CHN2: variants seen among roughly 807,000 people sequenced by gnomAD.
The protein encoded by CHN2 is beta-chimaerin.
A neutral mutation model predicts 56.3 loss-of-function variants in CHN2; 35 were observed. That is an observed-to-expected ratio of 0.62 (90% CI 0.47 to 0.82). The LOEUF is 0.82. Among genes scored for constraint, CHN2 ranks in the 40% least tolerant of loss-of-function variants. The pLI is 0.00. For missense variants in CHN2, 491 were observed against 580.5 expected (o/e 0.85, Z 1.58); for synonymous variants, 210 against 212.8 (o/e 0.99, Z 0.12).
In CHN2 at chr7:29,324,003, CA is replaced by C. The variant is rs575696737; in HGVS notation, c.50-30615del. Among the ~76,000 whole-genome samples the C allele has an allele frequency of 8.7e-3, 1,217 of 139,528 alleles. 7 individuals carry two copies. The highest frequency in any genetic ancestry group is 0.014 in the Non-Finnish European group (919 of 65,276). The allele number at this position is 139,528 out of a possible 152,430, so 91.5% of individuals were successfully genotyped here. On this transcript the variant is annotated intron_variant, in intron 1 of 12. Coordinates refer to ENST00000222792, the MANE Select transcript of CHN2 (RefSeq NM_004067.4). Reference sequence around the variant, plus strand: ...TGGGCGACAGAGCGAGACCCCGTCTCAAAAAAACAAAACAAAACCAAAAAAA... The same window carrying C: ...TGGGCGACAGAGCGAGACCCCGTCTCAAAAAACAAAACAAAACCAAAAAAA...
chr7:29,442,943 T>G (rs973673609), intron 6 of CHN2, among the ~76,000 whole-genome samples: 1 of 126,146 alleles, frequency 7.9e-6, no homozygotes, highest in Admixed American at 7.7e-5. Flanking sequence ...TCTTTTTTTT[T>G]TTTTTTTTGA....
At chr7:29,149,064 G>T (rs909471672) in intron 2 of CHN2, among the ~76,000 whole-genome samples, 40 of 152,260 alleles carry the variant, frequency 2.6e-4, no homozygotes, top group African/African-American at 9.1e-4. Flanking sequence ...CGTGTTCAGG[G>T]TGGGTCGGGG....
At chr7:29,419,778 C>G (rs572282349) in intron 6 of CHN2, among the ~76,000 whole-genome samples, 2 of 152,182 alleles carry the variant, frequency 1.3e-5, no homozygotes, top group South Asian at 2.1e-4. Flanking sequence ...AAATGAAAAC[C>G]ACAAGGAAAT....
At chr7:29,354,813 C>T in intron 2 of CHN2, 150 bp downstream of exon 2, 1 of 687,760 alleles carries the variant, frequency 1.5e-6, no homozygotes, top group Non-Finnish European at 2.5e-6. Flanking sequence ...AAAGATTAGT[C>T]AGAGACGATT....
At chr7:29,155,680 G>C (rs1794263682) in intron 2 of CHN2, among the ~76,000 whole-genome samples, 1 of 152,166 alleles carries the variant, frequency 6.6e-6, no homozygotes, top group Admixed American at 6.5e-5. Flanking sequence ...TCATCGTCCT[G>C]CTTCCGTGTT....
chr7:29,293,711 C>T (rs1049746666), intron 1 of CHN2, among the ~76,000 whole-genome samples: 1 of 152,146 alleles, frequency 6.6e-6, no homozygotes, highest in Non-Finnish European at 1.5e-5. Context: ...CATTCAAGCA[C>T]GTACTTGAAA....
chr7:29,445,429 A>G (rs1783964558), intron 6 of CHN2, among the ~76,000 whole-genome samples: 1 of 152,120 alleles, frequency 6.6e-6, no homozygotes, highest in African/African-American at 2.4e-5. Context: ...TAGATTTTTT[A>G]TTACCATGAT....
rs1015445783 is a variant in CHN2, at chr7:29,390,076, A to G, written c.145-3603A>G. ...CTCAAAAAAAAAAAAAAAAAGAATCAGCCACCATTCTGCATGGTCACACCA... is the reference window on the plus strand; with the variant it reads ...CTCAAAAAAAAAAAAAAAAAGAATCGGCCACCATTCTGCATGGTCACACCA... On this transcript the variant is annotated intron_variant, in intron 3 of 12. Transcript: ENST00000222792. Among the ~76,000 whole-genome samples the G allele has an allele frequency of 4.8e-5, 7 of 146,288 alleles. 1 individual carries two copies. The Admixed American group carries it at 4.8e-4, about 10-fold the overall frequency.
intron 6 of CHN2, among the ~76,000 whole-genome samples, chr7:29,461,704 G>T (rs1785171529): frequency 6.6e-6 from 1 of 152,108 alleles, no homozygotes; most frequent in Non-Finnish European, 1.5e-5. Context: ...CAGAGGTTAG[G>T]TATTATTTCA....
chr7:29,157,459 TAA>T (rs1794558117), intron 2 of CHN2, among the ~76,000 whole-genome samples: 2 of 152,220 alleles, frequency 1.3e-5, no homozygotes, highest in Admixed American at 6.5e-5. Context: ...CTGGAAACTT[TAA>T]AGTTAGCTTC....
intron 1 of CHN2, among the ~76,000 whole-genome samples, chr7:29,226,598 G>A (rs1176589836): frequency 2.6e-5 from 4 of 152,100 alleles, no homozygotes; most frequent in African/African-American, 4.8e-5. Flanking sequence ...ATATAGCAAC[G>A]TAGGGAGTGG....
chr7:29,382,292 A>G (rs1800574142), intron 3 of CHN2, among the ~76,000 whole-genome samples: 1 of 152,154 alleles, frequency 6.6e-6, no homozygotes, highest in Admixed American at 6.5e-5. Flanking sequence ...TCACATGTTC[A>G]CCCTCTAAAG....
intron 2 of CHN2, among the ~76,000 whole-genome samples, chr7:29,357,218 A>C (rs1291079251): frequency 1.3e-5 from 2 of 152,190 alleles, no homozygotes; most frequent in East Asian, 3.8e-4. Context: ...ATAATCATAA[A>C]ACTTTACTTG....
At chr7:29,435,417 A>T (rs1202276332) in intron 6 of CHN2, among the ~76,000 whole-genome samples, 4 of 152,336 alleles carry the variant, frequency 2.6e-5, no homozygotes, top group African/African-American at 9.6e-5. Flanking sequence ...GTGTGTCATT[A>T]GGTGATTTTG....
chr7:29,478,892 G>T (rs956233277), intron 6 of CHN2, among the ~76,000 whole-genome samples: 1 of 152,100 alleles, frequency 6.6e-6, no homozygotes, highest in Non-Finnish European at 1.5e-5. Context: ...TTAAAATCAT[G>T]GTGTTTACCA....
At chr7:29,275,069 C>T (rs1156578350) in intron 1 of CHN2, among the ~76,000 whole-genome samples, 1 of 152,184 alleles carries the variant, frequency 6.6e-6, no homozygotes, top group Non-Finnish European at 1.5e-5. Context: ...CCAGCATTCT[C>T]TCTCTGCCCC....
At chr7:29,502,574 T>G (rs960207678) in intron 9 of CHN2, among the ~76,000 whole-genome samples, 8 of 152,266 alleles carry the variant, frequency 5.3e-5, no homozygotes, top group Non-Finnish European at 1.2e-4. Flanking sequence ...TCTGGCAAAC[T>G]CTAACCATCC....
chr7:29,329,375 G>GAAAA (rs1562521709), intron 1 of CHN2, among the ~76,000 whole-genome samples: 1 of 7,820 alleles, frequency 1.3e-4, no homozygotes, highest in African/African-American at 1.0e-3. Context: ...TTCAGATAAG[G>GAAAA]CAAAAAAAAA....
At chr7:29,462,975 G>T (rs1168481648) in intron 6 of CHN2, among the ~76,000 whole-genome samples, 9 of 133,378 alleles carry the variant, frequency 6.7e-5, no homozygotes, top group Non-Finnish European at 1.1e-4. Context: ...CCAAGGAAGA[G>T]ACCTACCTCC....
Sources: allele counts gnomAD v4.1 joint callset (sites outside exome capture counted in the v4.1 genomes callset), GRCh38; gene constraint gnomAD v4.1.1; transcripts MANE v1.5; gene names NCBI Gene and HGNC (gene_info 2026-07-23, HGNC 2026-07-21).